MBD2: variants seen among roughly 807,000 people sequenced by gnomAD.
MBD2 encodes the protein methyl-CpG binding domain protein 2.
Under a neutral mutation model 39.3 loss-of-function variants are expected in MBD2, and 9 were observed. That is an observed-to-expected ratio of 0.23 (90% CI 0.14 to 0.40). The LOEUF (loss-of-function observed/expected upper bound fraction) is 0.40, where lower values mean the gene tolerates loss of function less well. Ranked by LOEUF, MBD2 falls within the 10% of genes least tolerant of loss-of-function variation. The probability of loss-of-function intolerance (pLI) is 1.00; values close to 1 mark genes in which losing one functional copy is unlikely to be tolerated. For missense variants in MBD2, 458 were observed against 532.6 expected (o/e 0.86, Z 1.38); for synonymous variants, 233 against 211.1 (o/e 1.10, Z -0.90).
intron 3 of MBD2, among the ~76,000 whole-genome samples, chr18:54,167,978 A>C (rs565975274): frequency 6.5e-4 from 98 of 150,648 alleles, no homozygotes; most frequent in African/African-American, 2.2e-3. Flanking sequence ...AACAAAACCC[A>C]GTTAAATTTC....
At chr18:54,165,958 A>G (rs952389324) in intron 4 of MBD2, 118 bp downstream of exon 4, 3 of 663,364 alleles carry the variant, frequency 4.5e-6, no homozygotes, top group Non-Finnish European at 8.0e-6. Flanking sequence ...AGCAAGGCAT[A>G]TGACCTCCCA....
intron 2 of MBD2, among the ~76,000 whole-genome samples, chr18:54,194,568 T>C (rs2086350724): frequency 1.3e-5 from 2 of 151,944 alleles, no homozygotes; most frequent in Admixed American, 6.6e-5. Flanking sequence ...TATATATATA[T>C]ATATGTAGCT....
At chr18:54,201,590 C>T (rs559121968) in intron 2 of MBD2, among the ~76,000 whole-genome samples, 8 of 152,238 alleles carry the variant, frequency 5.3e-5, no homozygotes, top group East Asian at 1.9e-4. Context: ...TGGCCGGGCA[C>T]GGTGGCTCAC....
chr18:54,200,679 A>G (rs1293943412), intron 2 of MBD2, among the ~76,000 whole-genome samples: 1 of 152,012 alleles, frequency 6.6e-6, no homozygotes, highest in Non-Finnish European at 1.5e-5. Context: ...TTTGGTTTTT[A>G]TTTGCATATT....
intron 3 of MBD2, among the ~76,000 whole-genome samples, chr18:54,183,667 G>A (rs1364546411): frequency 2.0e-5 from 3 of 152,204 alleles, no homozygotes; most frequent in Non-Finnish European, 4.4e-5. Flanking sequence ...TAAACATACT[G>A]AGTAAGAGGT....
intron 3 of MBD2, among the ~76,000 whole-genome samples, chr18:54,175,153 CA>C (rs1433360191): frequency 2.0e-5 from 3 of 152,298 alleles, no homozygotes; most frequent in African/African-American, 7.2e-5. Flanking sequence ...TCTATTAGAA[CA>C]AAGTGAACTG....
Position 54,224,527 on chromosome 18 carries a change from G to A in MBD2, c.33C>T (p.Cys11=). 2 of 1,232,472 alleles carry A rather than the reference G, an allele frequency of 1.6e-6. No homozygotes were observed. Among genetic ancestry groups the A allele is most frequent in the Non-Finnish European group, 1.0e-6 (1 of 988,562 alleles). The allele number at this position is 1,232,472 out of a possible 1,614,324, so 76.3% of individuals were successfully genotyped here. ...CACTCTCCCCCTCCTCCTGCTCCGGGCAGCAGCGGCCTCCCCCCGGGTGCG... is the reference window on the plus strand; with the variant it reads ...CACTCTCCCCCTCCTCCTGCTCCGGACAGCAGCGGCCTCCCCCCGGGTGCG... MRAHPGGGRC[C]PEQEEGESAA... The change falls in exon 1 of 7, where the codon TGC becomes TGT. Residue 11 remains cysteine, a synonymous_variant. Coordinates refer to ENST00000256429, the MANE Select transcript of MBD2 (RefSeq NM_003927.5).
intron 1 of MBD2, 63 bp downstream of exon 1, chr18:54,223,955 C>T (rs1043611330): frequency 7.0e-7 from 1 of 1,420,334 alleles, no homozygotes. Flanking sequence ...TCTGCCCAGG[C>T]CCGCTCTTGA....
intron 1 of MBD2, among the ~76,000 whole-genome samples, chr18:54,221,960 C>A (rs2086617345): frequency 6.6e-6 from 1 of 152,160 alleles, no homozygotes. Context: ...CATCCCAAAA[C>A]CAAACAAACC....
chr18:54,161,296 A>G (rs1302601301), intron 5 of MBD2, among the ~76,000 whole-genome samples: 1 of 152,248 alleles, frequency 6.6e-6, no homozygotes, highest in East Asian at 1.9e-4. Flanking sequence ...CACTTATTAA[A>G]TGAATTTTCA....
chr18:54,206,600 C>G (rs576543175), intron 1 of MBD2, among the ~76,000 whole-genome samples: 6 of 152,302 alleles, frequency 3.9e-5, no homozygotes, highest in Non-Finnish European at 8.8e-5. Context: ...GCAATACACC[C>G]CGGACTTGTC....
Position 54,224,609 on chromosome 18 carries a change from G to A in MBD2, c.-50C>T, listed in dbSNP as rs1027816453. Reference sequence around the variant, plus strand: ...GCGCTTCTTCCGTAACCGAGCCCTTGGAATCCCGGAGACCCGCCCCGCCCG... The same window carrying A: ...GCGCTTCTTCCGTAACCGAGCCCTTAGAATCCCGGAGACCCGCCCCGCCCG... On this transcript the variant is annotated 5_prime_UTR_variant, in exon 1 of 7. The change creates a premature stop within an existing upstream ORF in the 5' untranslated region. Transcript: ENST00000256429. 8.3e-7 allele frequency: 1 copy of A among 1,203,078 alleles called. No individual in the cohort carries two copies. The highest frequency in any genetic ancestry group is 1.0e-6 in the Non-Finnish European group (1 of 962,670). 74.5% of individuals were successfully genotyped at this position (1,203,078 alleles called of 1,614,324 possible).
At chr18:54,184,890 CCAGA>C (rs1247665032) in intron 3 of MBD2, among the ~76,000 whole-genome samples, 2 of 152,218 alleles carry the variant, frequency 1.3e-5, no homozygotes, top group South Asian at 2.1e-4. Context: ...TTTTCCCTGC[CCAGA>C]CAGTCAATTT....
chr18:54,186,791 T>G (rs1285182432), intron 3 of MBD2, among the ~76,000 whole-genome samples: 1 of 152,188 alleles, frequency 6.6e-6, no homozygotes, highest in Non-Finnish European at 1.5e-5. Context: ...CTAAATAATT[T>G]TAAACACTTC....
chr18:54,153,026 C>T lies in MBD2; in HGVS notation c.*2298G>A, dbSNP rs1331743018. ...AGTCACATTTGCCTGTTTTGATGAT[C>T]TTTCTGATGACTATGTGGAGGGATG... is the stretch of plus-strand genomic sequence containing the variant. On this transcript the variant is annotated 3_prime_UTR_variant, in exon 7 of 7. Transcript: ENST00000256429. 3.3e-5 allele frequency: 5 copies of T among 152,112 alleles called. No homozygotes were observed. Among genetic ancestry groups the T allele is most frequent in the African/African-American group, 1.2e-4 (5 of 41,400 alleles). 9.4% of individuals were successfully genotyped at this position (152,112 alleles called of 1,614,324 possible). A position where few individuals can be genotyped will look rare whatever the true frequency, so the allele number is the denominator to read the frequency against.
At chr18:54,179,843 T>C (rs1479443756) in intron 3 of MBD2, among the ~76,000 whole-genome samples, 1 of 151,948 alleles carries the variant, frequency 6.6e-6, no homozygotes, top group Non-Finnish European at 1.5e-5. Context: ...TCTGTTACCA[T>C]CAATTCTATT....
chr18:54,172,096 T>C (rs1187975367), intron 3 of MBD2, among the ~76,000 whole-genome samples: 1 of 152,236 alleles, frequency 6.6e-6, no homozygotes, highest in Non-Finnish European at 1.5e-5. Flanking sequence ...TCCTAAGTAA[T>C]AGATACTGTA....
At chr18:54,208,731 T>G (rs1278171706) in intron 1 of MBD2, among the ~76,000 whole-genome samples, 1 of 152,206 alleles carries the variant, frequency 6.6e-6, no homozygotes. Flanking sequence ...AAATTAAACC[T>G]GCAATAAGTA....
intron 5 of MBD2, chr18:54,160,143 G>T: frequency 2.3e-6 from 1 of 426,548 alleles, no homozygotes. Context: ...TCTAGAAAGA[G>T]CAGATTGACG....
Sources: gnomAD v4.1 joint callset for allele counts (sites outside exome capture counted in the v4.1 genomes callset) on GRCh38, gnomAD v4.1.1 for gene constraint, MANE v1.5 for transcripts, NCBI Gene and HGNC (gene_info 2026-07-23, HGNC 2026-07-21) for gene names.